The following SRBD1 variants were observed in gnomAD, a reference collection of about 807,000 sequenced individuals.
SRBD1 encodes S1 RNA-binding domain-containing protein 1.
Under a neutral mutation model 115.3 loss-of-function variants are expected in SRBD1, and 88 were observed. The ratio of observed to expected loss-of-function variants is 0.76; its 90% CI spans 0.64 to 0.91. The LOEUF is 0.91. Ranked by LOEUF, SRBD1 falls within the 40% of genes least tolerant of loss-of-function variation. The probability of loss-of-function intolerance (pLI) is 0.00; values close to 1 mark genes in which losing one functional copy is unlikely to be tolerated. For missense variants in SRBD1, 1,385 were observed against 1,177.4 expected, an observed-to-expected ratio of 1.18 and a Z score of -2.58; for synonymous variants, 509 against 407.7, an observed-to-expected ratio of 1.25 and a Z score of -2.99.
At chr2:45,529,801 A>G (rs144559181) in intron 14 of SRBD1, among the ~76,000 whole-genome samples, 276 of 152,124 alleles carry the variant, frequency 1.8e-3, no homozygotes, top group Non-Finnish European at 2.7e-3. Flanking sequence ...GGAAATCATT[A>G]AATGCTAGAA....
intron 19 of SRBD1, among the ~76,000 whole-genome samples, chr2:45,394,963 C>CG (rs1209887476): frequency 5.3e-5 from 8 of 152,100 alleles, no homozygotes; most frequent in Admixed American, 3.3e-4. Context: ...GAAAGGCAGC[C>CG]GGTATCTCTT....
chr2:45,545,839 TATA>T (rs1183939862), intron 14 of SRBD1, among the ~76,000 whole-genome samples: 1 of 152,236 alleles, frequency 6.6e-6, no homozygotes, highest in Non-Finnish European at 1.5e-5. Context: ...CACTCTTGAC[TATA>T]ATAACTGCCT....
In SRBD1 at chr2:45,573,205, A is replaced by C; in HGVS notation, c.1305+2T>G. 6.2e-7 allele frequency: 1 copy of C among 1,600,230 alleles called. No individual in the cohort carries two copies. The highest frequency in any genetic ancestry group is 8.5e-7 in the Non-Finnish European group (1 of 1,175,288). ...GCATGCACATGCAGTTTCTTTATTT[A>C]CCTGATGATGGTGAATGTTTCTTAT... is the stretch of plus-strand genomic sequence containing the variant. On this transcript the variant is annotated splice_donor_variant, in intron 9 of 20. Coordinates refer to ENST00000263736, the MANE Select transcript of SRBD1 (RefSeq NM_018079.5). LOFTEE classifies it high-confidence loss of function.
chr2:45,462,863 T>C (rs1669361509), intron 16 of SRBD1, among the ~76,000 whole-genome samples: 1 of 151,960 alleles, frequency 6.6e-6, no homozygotes, highest in Admixed American at 6.6e-5. Flanking sequence ...CTAACCTGCC[T>C]ACTATCCCAC....
intron 14 of SRBD1, among the ~76,000 whole-genome samples, chr2:45,526,898 G>A (rs561603544): frequency 4.6e-5 from 7 of 151,844 alleles, no homozygotes; most frequent in Admixed American, 2.6e-4. Context: ...GAATAGCTAC[G>A]GAGGGGAAGA....
At chr2:45,608,037 T>C (rs972533629) in intron 1 of SRBD1, among the ~76,000 whole-genome samples, 2 of 152,184 alleles carry the variant, frequency 1.3e-5, no homozygotes, top group African/African-American at 4.8e-5. Context: ...CATTCTACAA[T>C]ATGCCTGAAT....
In SRBD1 at chr2:45,599,454, C is replaced by A. The variant is rs1366315848; in HGVS notation, c.643G>T (p.Val215Leu). 4.3e-6 allele frequency: 7 copies of A among 1,612,800 alleles called. No individual in the cohort carries two copies. Among genetic ancestry groups the A allele is most frequent in the Non-Finnish European group, 5.9e-6 (7 of 1,179,238 alleles). The change falls in exon 4 of 21, where the codon GTA (valine) becomes TTA (leucine). Residue 215 changes from valine (V) to leucine (L), a missense_variant. Physicochemically the swap from Val to Leu is conservative, Grantham distance 32. Transcript: ENST00000263736. ...KEEVEMNWDM[V>L]QVLSERTNIE... Reference sequence around the variant, plus strand: ...CAGAAAAAGGCTGCACATACCTGTACCATGTCCCAATTCATTTCCACCTCC... The same window carrying A: ...CAGAAAAAGGCTGCACATACCTGTAACATGTCCCAATTCATTTCCACCTCC...
intron 17 of SRBD1, among the ~76,000 whole-genome samples, chr2:45,418,768 G>A (rs1206461208): frequency 6.6e-6 from 1 of 151,672 alleles, no homozygotes; most frequent in Non-Finnish European, 1.5e-5. Context: ...AAAACCAACA[G>A]CTGTCATAAA....
At chr2:45,399,524 G>C (rs562149990) in intron 19 of SRBD1, among the ~76,000 whole-genome samples, 18 of 152,194 alleles carry the variant, frequency 1.2e-4, no homozygotes, top group Admixed American at 2.0e-4. Flanking sequence ...AAATCTCAGA[G>C]AGATTAAGAG....
At chr2:45,455,575 G>A (rs1240979910) in intron 16 of SRBD1, among the ~76,000 whole-genome samples, 1 of 151,686 alleles carries the variant, frequency 6.6e-6, no homozygotes, top group African/African-American at 2.4e-5. Flanking sequence ...TCCTAACTCT[G>A]AAGGCCACTC....
chr2:45,550,527 C>T (rs1672263817), intron 12 of SRBD1, among the ~76,000 whole-genome samples: 1 of 147,120 alleles, frequency 6.8e-6, no homozygotes, highest in Non-Finnish European at 1.5e-5. Context: ...CTTTAAAGTA[C>T]TGAAAGTAAC....
At chr2:45,479,088 C>T (rs978975312) in intron 15 of SRBD1, among the ~76,000 whole-genome samples, 2 of 152,168 alleles carry the variant, frequency 1.3e-5, no homozygotes, top group Non-Finnish European at 2.9e-5. Flanking sequence ...ACGAACCACA[C>T]CTATAAGGTA....
chr2:45,463,026 G>A (rs1042905696), intron 16 of SRBD1, among the ~76,000 whole-genome samples: 2 of 137,682 alleles, frequency 1.5e-5, no homozygotes, highest in East Asian at 2.4e-4. Flanking sequence ...CCGGGGGGGG[G>A]GGGGGAAATC....
At position 45,458,443 on chromosome 2, in the gene SRBD1, T is replaced by G. The variant is rs1046554538; in HGVS notation, c.2049+18550A>C. ...ACAAAATGGCCTAAATTAAGTCTCT[T>G]TAGAGTAGGAGGTACATTCAGCTAT... On this transcript the variant is annotated intron_variant, in intron 16 of 20. Coordinates refer to ENST00000263736, the MANE Select transcript of SRBD1 (RefSeq NM_018079.5). Among the ~76,000 whole-genome samples the G allele has an allele frequency of 2.6e-5, 4 of 152,082 alleles. No individual in the cohort carries two copies. In the East Asian group the frequency reaches 7.7e-4, roughly 29 times the overall value.
At chr2:45,502,591 A>T (rs1670667854) in intron 14 of SRBD1, among the ~76,000 whole-genome samples, 1 of 151,624 alleles carries the variant, frequency 6.6e-6, no homozygotes, top group South Asian at 2.1e-4. Flanking sequence ...ACAGAAAACC[A>T]TACACCGCAT....
intron 9 of SRBD1, among the ~76,000 whole-genome samples, chr2:45,572,998 A>C (rs1673067634): frequency 6.6e-6 from 1 of 152,298 alleles, no homozygotes; most frequent in South Asian, 2.1e-4. Flanking sequence ...AGCTCTGCTA[A>C]TAATTCTCAA....
intron 14 of SRBD1, among the ~76,000 whole-genome samples, chr2:45,495,761 G>A (rs915939342): frequency 6.6e-6 from 1 of 152,156 alleles, no homozygotes; most frequent in African/African-American, 2.4e-5. Flanking sequence ...GGAAGAAACC[G>A]TTGTTTGCAA....
chr2:45,491,750 C>CA (rs879282084), intron 14 of SRBD1, among the ~76,000 whole-genome samples: 10 of 152,206 alleles, frequency 6.6e-5, no homozygotes, highest in Admixed American at 5.9e-4. Context: ...AAGTAAAGTA[C>CA]CTACAATATC....
intron 15 of SRBD1, among the ~76,000 whole-genome samples, chr2:45,487,842 C>T (rs1182588476): frequency 1.3e-5 from 2 of 151,916 alleles, no homozygotes; most frequent in South Asian, 2.1e-4. Context: ...TTAGTAGAGA[C>T]GGAGTTTCAC....
Sources: allele counts gnomAD v4.1 joint callset (sites outside exome capture counted in the v4.1 genomes callset), GRCh38; gene constraint gnomAD v4.1.1; transcripts MANE v1.5; gene names NCBI Gene and HGNC (gene_info 2026-07-23, HGNC 2026-07-21).